Variants in RASGRF2 observed in about 807,000 individuals in gnomAD.
RASGRF2 encodes the protein Ras protein specific guanine nucleotide releasing factor 2.
Under a neutral mutation model 151.0 loss-of-function variants are expected in RASGRF2, and 76 were observed. The ratio of observed to expected loss-of-function variants is 0.50; its 90% CI spans 0.42 to 0.61. RASGRF2 has a LOEUF of 0.61. RASGRF2 is among the 20% of genes least tolerant of loss of function. The probability of loss-of-function intolerance (pLI) is 0.00; values close to 1 mark genes in which losing one functional copy is unlikely to be tolerated. For missense variants in RASGRF2, 1,148 were observed against 1,564.6 expected, an observed-to-expected ratio of 0.73 and a Z score of 4.49; for synonymous variants, 504 against 566.5, an observed-to-expected ratio of 0.89 and a Z score of 1.57.
At chr5:81,140,197 C>T (rs1561227880) in intron 17 of RASGRF2, among the ~76,000 whole-genome samples, 1 of 152,098 alleles carries the variant, frequency 6.6e-6, no homozygotes, top group African/African-American at 2.4e-5. Context: ...GGGTAATTCC[C>T]GAATAAAAGT....
At chr5:81,102,795 A>C (rs1752733198) in intron 12 of RASGRF2, among the ~76,000 whole-genome samples, 1 of 152,204 alleles carries the variant, frequency 6.6e-6, no homozygotes, top group African/African-American at 2.4e-5. Flanking sequence ...TTATAAAAAT[A>C]ACTTTTGAGT....
At chr5:81,146,540 TA>T (rs1754010746) in intron 17 of RASGRF2, among the ~76,000 whole-genome samples, 1 of 152,128 alleles carries the variant, frequency 6.6e-6, no homozygotes, top group South Asian at 2.1e-4. Context: ...AGGTGGTCTG[TA>T]TTCACTATAT....
chr5:81,146,068 G>C (rs1358404353), intron 17 of RASGRF2, among the ~76,000 whole-genome samples: 1 of 152,214 alleles, frequency 6.6e-6, no homozygotes, highest in Non-Finnish European at 1.5e-5. Flanking sequence ...AATTGAGGGA[G>C]TATATTTGAA....
At chr5:81,190,863 T>C (rs1456295556) in intron 18 of RASGRF2, among the ~76,000 whole-genome samples, 1 of 152,210 alleles carries the variant, frequency 6.6e-6, no homozygotes, top group East Asian at 1.9e-4. Flanking sequence ...AGAAACATTT[T>C]CCCCATTGAA....
At chr5:80,983,923 G>A (rs1180307287) in intron 1 of RASGRF2, among the ~76,000 whole-genome samples, 8 of 152,044 alleles carry the variant, frequency 5.3e-5, no homozygotes, top group African/African-American at 1.7e-4. Context: ...TCAAAATTAC[G>A]TGCATGGCTT....
chr5:81,067,570 C>T (rs1347513152), intron 2 of RASGRF2, among the ~76,000 whole-genome samples: 1 of 152,062 alleles, frequency 6.6e-6, no homozygotes, highest in Non-Finnish European at 1.5e-5. Flanking sequence ...AGATTTTTTC[C>T]AGTTAGTGCC....
At chr5:80,996,509 TCCTCCTCCTCCC>T (rs1561544783) in intron 1 of RASGRF2, among the ~76,000 whole-genome samples, 1,961 of 67,738 alleles carry the variant, frequency 0.029, 275 homozygotes, top group South Asian at 0.064. Context: ...TTCTTCCTCC[TCCTCCTCCTCCC>T]CCTCCTCCTC....
chr5:81,022,169 G>T (rs554959592), intron 1 of RASGRF2, among the ~76,000 whole-genome samples: 1 of 152,296 alleles, frequency 6.6e-6, no homozygotes, highest in Non-Finnish European at 1.5e-5. Flanking sequence ...AGGAGAGTGG[G>T]TTGAAGTGCA....
chr5:81,063,155 T>A (rs2112442281), intron 2 of RASGRF2, among the ~76,000 whole-genome samples: 1 of 152,328 alleles, frequency 6.6e-6, no homozygotes, highest in South Asian at 2.1e-4. Context: ...CCAAGATGTA[T>A]CAGAGTATGA....
rs1357830561 is a variant in RASGRF2, at chr5:81,226,870, A to G, written c.*1100A>G. ...CTGATGTTGAGAGATCTCTGAGAAT[A>G]TTATAAGTGCATGGGAAATGGGCCC... On this transcript the variant is annotated 3_prime_UTR_variant, in exon 27 of 27. Transcript: ENST00000265080. 6.6e-6 allele frequency: 1 copy of G among 152,156 alleles called. No individual in the cohort carries two copies. Among genetic ancestry groups the G allele is most frequent in the African/African-American group, 2.4e-5 (1 of 41,438 alleles). 9.4% of individuals were successfully genotyped at this position (152,156 alleles called of 1,614,324 possible).
chr5:81,180,110 A>G (rs1754879154), intron 17 of RASGRF2, 65 bp from the exon 18 acceptor site: 4 of 898,096 alleles, frequency 4.5e-6, no homozygotes, highest in Non-Finnish European at 7.4e-6. Context: ...AAAATATATG[A>G]CCTTTTCCAG....
At chr5:81,127,204 A>G (rs1753480597) in intron 17 of RASGRF2, 41 bp downstream of exon 17, 1 of 1,564,228 alleles carries the variant, frequency 6.4e-7, no homozygotes, top group Non-Finnish European at 8.8e-7. Context: ...GTGACCATTT[A>G]TATTAAGTCA....
At chr5:81,062,791 T>C (rs1164504607) in intron 2 of RASGRF2, among the ~76,000 whole-genome samples, 1 of 152,218 alleles carries the variant, frequency 6.6e-6, no homozygotes, top group Non-Finnish European at 1.5e-5. Context: ...CTTGTTTTCT[T>C]GCATTCAATG....
In RASGRF2 at chr5:80,960,760, A is replaced by C; in HGVS notation, c.22A>C (p.Asn8His). The C allele has an allele frequency of 6.2e-7, 1 of 1,603,120 alleles. No homozygotes were observed. Among genetic ancestry groups the C allele is most frequent in the Non-Finnish European group, 8.5e-7 (1 of 1,172,902 alleles). The change falls in exon 1 of 27, where the codon AAC becomes CAC. Residue 8 changes from asparagine to histidine, a missense_variant. By Grantham distance (68) the Asn-to-His change is moderately conservative. Coordinates refer to ENST00000265080, the MANE Select transcript of RASGRF2 (RefSeq NM_006909.3). The surrounding 1 kb of genome is among the most constrained non-coding windows in gnomAD (Gnocchi z 5.5). MQKSVRY[N>H]EGHALYLAFL... is the part of the protein sequence containing the mutation. Reference sequence around the variant, plus strand: ...CACCATGCAGAAGAGCGTGCGCTACAACGAGGGGCACGCCCTGTACCTGGC... The same window carrying C: ...CACCATGCAGAAGAGCGTGCGCTACCACGAGGGGCACGCCCTGTACCTGGC...
At chr5:81,199,854 C>T (rs1052078202) in intron 18 of RASGRF2, among the ~76,000 whole-genome samples, 5 of 142,926 alleles carry the variant, frequency 3.5e-5, no homozygotes, top group Admixed American at 7.3e-5. Flanking sequence ...GCCGAGATCA[C>T]GTCACTGCAC....
intron 1 of RASGRF2, among the ~76,000 whole-genome samples, chr5:81,000,656 C>G (rs771103654): frequency 2.6e-5 from 4 of 152,048 alleles, no homozygotes; most frequent in Non-Finnish European, 5.9e-5. Context: ...AGAGCATATC[C>G]GACTTTACCC....
intron 15 of RASGRF2, among the ~76,000 whole-genome samples, chr5:81,114,290 G>A (rs1753089774): frequency 6.6e-6 from 1 of 152,206 alleles, no homozygotes; most frequent in South Asian, 2.1e-4. Flanking sequence ...CCTCACCCGT[G>A]AGCTCAGGCT....
intron 1 of RASGRF2, among the ~76,000 whole-genome samples, chr5:81,032,115 T>A (rs538985714): frequency 1.3e-5 from 2 of 152,288 alleles, no homozygotes; most frequent in South Asian, 4.1e-4. Flanking sequence ...GTGGAATCCC[T>A]GAATAGACCA....
At position 81,113,720 on chromosome 5, in the gene RASGRF2, C is replaced by T; in HGVS notation, c.2270C>T (p.Ala757Val). The change falls in exon 15 of 27, where the codon GCA becomes GTA. Residue 757 changes from alanine (A) to valine (V), a missense_variant. By Grantham distance (64) the Ala-to-Val change is moderately conservative. Transcript: ENST00000265080. ...TCTCCCTTGAACTCAAAGATAGGAG[C>T]ATTGGACCTGACAACTTCCAGCAGT... ...LTSPLNSKIG[A>V]LDLTTSSSPT... 1 of 1,613,872 alleles carries T rather than the reference C, an allele frequency of 6.2e-7. No individual in the cohort carries two copies.
Sources: gnomAD v4.1 joint callset for allele counts (sites outside exome capture counted in the v4.1 genomes callset) on GRCh38, gnomAD v4.1.1 for gene constraint, Gnocchi (gnomAD v3.1) non-coding constraint, MANE v1.5 for transcripts, NCBI Gene and HGNC (gene_info 2026-07-23, HGNC 2026-07-21) for gene names.